The following PEBP4 variants were observed in gnomAD, a reference collection of about 807,000 sequenced individuals.
PEBP4 encodes phosphatidylethanolamine-binding protein 4.
Under a neutral mutation model 23.9 loss-of-function variants are expected in PEBP4, and 22 were observed. The ratio of observed to expected loss-of-function variants is 0.92; its 90% CI spans 0.66 to 1.31. The LOEUF is 1.31. Among genes scored for constraint, PEBP4 ranks in the 40% most tolerant of loss-of-function variants. The probability of loss-of-function intolerance (pLI) is 0.00; values close to 1 mark genes in which losing one functional copy is unlikely to be tolerated. For missense variants in PEBP4, 324 were observed against 281.7 expected (o/e 1.15, Z -1.07); for synonymous variants, 112 against 99.3 (o/e 1.13, Z -0.76).
At chr8:22,864,312 T>G (rs1020287692) in intron 3 of PEBP4, among the ~76,000 whole-genome samples, 4 of 152,152 alleles carry the variant, frequency 2.6e-5, no homozygotes, top group African/African-American at 9.7e-5. Flanking sequence ...TATAACATTC[T>G]CGGCAGAAAC....
At chr8:22,842,221 T>A (rs1461491578) in intron 3 of PEBP4, among the ~76,000 whole-genome samples, 1 of 152,204 alleles carries the variant, frequency 6.6e-6, no homozygotes, top group African/African-American at 2.4e-5. Flanking sequence ...AAATACAAAT[T>A]GCTCTTTAAA....
chr8:22,861,351 T>G (rs1807775303), intron 3 of PEBP4, among the ~76,000 whole-genome samples: 2 of 152,262 alleles, frequency 1.3e-5, no homozygotes, highest in African/African-American at 4.8e-5. Flanking sequence ...TTCCATAGAC[T>G]AATTGAATCC....
intron 6 of PEBP4, among the ~76,000 whole-genome samples, chr8:22,713,842 TCGCTCC>T (rs11278854): frequency 0.13 from 20,044 of 152,144 alleles, 1,521 homozygotes; most frequent in East Asian, 0.29. Context: ...AACTGCCTTC[TCGCTCC>T]CGCTCCCGGG....
chr8:22,909,956 A>AGG (rs1428595562), intron 3 of PEBP4, among the ~76,000 whole-genome samples: 1 of 152,244 alleles, frequency 6.6e-6, no homozygotes, highest in East Asian at 1.9e-4. Context: ...GGCTACAGCC[A>AGG]GGGGATCCAG....
At chr8:22,912,042 G>T (rs1808949157) in intron 3 of PEBP4, among the ~76,000 whole-genome samples, 1 of 152,082 alleles carries the variant, frequency 6.6e-6, no homozygotes, top group Non-Finnish European at 1.5e-5. Context: ...GGTAAGGGGG[G>T]GCGCTGTTTG....
At chr8:22,860,935 T>A (rs768449303) in intron 3 of PEBP4, among the ~76,000 whole-genome samples, 3 of 152,240 alleles carry the variant, frequency 2.0e-5, no homozygotes, top group Non-Finnish European at 4.4e-5. Context: ...AGTCATCTCA[T>A]TTGTAAGCTC....
chr8:22,917,249 A>G (rs1809097308), intron 3 of PEBP4, among the ~76,000 whole-genome samples: 2 of 152,132 alleles, frequency 1.3e-5, no homozygotes, highest in South Asian at 4.1e-4. Context: ...CTTCTCCATC[A>G]GGCCCAGAAG....
At position 22,865,566 on chromosome 8, in the gene PEBP4, G is replaced by T. The variant is rs1159493179; in HGVS notation, c.259-47831C>A. Reference sequence around the variant, plus strand: ...TGCTGCCGGTGCCGGTGCCGCAGCCGCCGGGGAAGGAATTCCCTCCGCCCG... The same window carrying T: ...TGCTGCCGGTGCCGGTGCCGCAGCCTCCGGGGAAGGAATTCCCTCCGCCCG... On this transcript the variant is annotated intron_variant, in intron 3 of 6. Transcript: ENST00000256404. This position sits in a 1 kb window ranked among gnomAD's most constrained non-coding sequence, Gnocchi z 6.9. Among the ~76,000 whole-genome samples the T allele has an allele frequency of 6.6e-6, 1 of 152,178 alleles. No homozygotes were observed. Among genetic ancestry groups the T allele is most frequent in the Non-Finnish European group, 1.5e-5 (1 of 68,020 alleles).
chr8:22,838,051 A>G (rs561652739), intron 3 of PEBP4, among the ~76,000 whole-genome samples: 1 of 151,654 alleles, frequency 6.6e-6, no homozygotes, highest in African/African-American at 2.4e-5. Flanking sequence ...GGCACACGCC[A>G]CCACACCTGG....
rs1585164341 is a variant in PEBP4 at position 22,936,383 on chromosome 8, A to G, written c.145-8663T>C. Among the ~76,000 whole-genome samples the G allele has an allele frequency of 1.3e-5, 2 of 152,204 alleles. 1 individual carries two copies. The highest frequency in any genetic ancestry group is 4.1e-4 in the South Asian group (2 of 4,830). On this transcript the variant is annotated intron_variant, in intron 1 of 1. Coordinates refer to the PEBP4 transcript ENST00000522278. ...GAAATGGACAAATTCCTGGAAACAT[A>G]AAACCTACCAAGACTGAATCATAAA... is the stretch of plus-strand genomic sequence containing the variant.
chr8:22,767,599 C>G (rs1335982594), intron 4 of PEBP4, among the ~76,000 whole-genome samples: 1 of 151,594 alleles, frequency 6.6e-6, no homozygotes, highest in Non-Finnish European at 1.5e-5. Context: ...AATAATCTCA[C>G]CTTGCCGGGG....
intron 4 of PEBP4, among the ~76,000 whole-genome samples, chr8:22,780,394 C>T (rs1052201930): frequency 6.6e-6 from 1 of 152,166 alleles, no homozygotes; most frequent in Non-Finnish European, 1.5e-5. Context: ...CTTGGAGTAG[C>T]TCGTACCTTG....
At chr8:22,881,799 C>T (rs1808263685) in intron 3 of PEBP4, among the ~76,000 whole-genome samples, 1 of 152,220 alleles carries the variant, frequency 6.6e-6, no homozygotes, top group Non-Finnish European at 1.5e-5. Flanking sequence ...GAGTGGGAGG[C>T]CACGCTCCAT....
Position 22,920,035 on chromosome 8 carries a change from G to A in PEBP4, c.258+149C>T, listed in dbSNP as rs556531783. On this transcript the variant is annotated intron_variant, in intron 3 of 6. Coordinates refer to ENST00000256404, the MANE Select transcript of PEBP4 (RefSeq NM_144962.3). ...TCTCCTCAAGTCCACTCTAAGGAAGGCACAACTTTATGGCAACAGCCATCT... is the reference window on the plus strand; with the variant it reads ...TCTCCTCAAGTCCACTCTAAGGAAGACACAACTTTATGGCAACAGCCATCT... 10 of 920,686 alleles carry A rather than the reference G, an allele frequency of 1.1e-5. No homozygotes were observed. In the East Asian group the frequency reaches 2.4e-4, roughly 22 times the overall value. The allele number at this position is 920,686 out of a possible 1,614,324, so 57.0% of individuals were successfully genotyped here.
chr8:22,728,517 C>G (rs966347311), intron 4 of PEBP4, among the ~76,000 whole-genome samples: 2 of 150,692 alleles, frequency 1.3e-5, no homozygotes, highest in Admixed American at 1.3e-4. Flanking sequence ...TCCTTCATTC[C>G]TTGCTGGCTT....
At chr8:22,729,981 G>T (rs947897161) in intron 4 of PEBP4, among the ~76,000 whole-genome samples, 3 of 152,146 alleles carry the variant, frequency 2.0e-5, no homozygotes, top group Non-Finnish European at 4.4e-5. Context: ...AGAGAGTTGG[G>T]CTCCAGAGAG....
intron 4 of PEBP4, among the ~76,000 whole-genome samples, chr8:22,780,110 C>T (rs561546519): frequency 6.0e-4 from 92 of 152,142 alleles, no homozygotes; most frequent in African/African-American, 2.1e-3. Flanking sequence ...ACCACAGGCA[C>T]GCACTATCAC....
At chr8:22,930,723 C>T (rs964085392), upstream of PEBP4, among the ~76,000 whole-genome samples, 1 of 152,096 alleles carries the variant, frequency 6.6e-6, no homozygotes, top group Admixed American at 6.5e-5. Flanking sequence ...CAGTGGTTCT[C>T]GGGATTTTTC....
chr8:22,906,525 A>G (rs962850419), intron 3 of PEBP4, among the ~76,000 whole-genome samples: 3 of 152,108 alleles, frequency 2.0e-5, no homozygotes, highest in Admixed American at 6.5e-5. Context: ...CAAACAAACA[A>G]AAAACCCCTC....
Sources: gnomAD v4.1 joint callset for allele counts (sites outside exome capture counted in the v4.1 genomes callset) on GRCh38, gnomAD v4.1.1 for gene constraint, Gnocchi (gnomAD v3.1) non-coding constraint, MANE v1.5 for transcripts, NCBI Gene and HGNC (gene_info 2026-07-23, HGNC 2026-07-21) for gene names.